The following RBFOX1 variants were observed in gnomAD, a reference collection of about 807,000 sequenced individuals.
The protein encoded by RBFOX1 is RNA binding protein fox-1 homolog 1.
In RBFOX1, 8 loss-of-function variants were observed where a neutral mutation model predicts 57.7. That is an observed-to-expected ratio of 0.14 (90% CI 0.08 to 0.25). The LOEUF is 0.25. RBFOX1 is among the 10% of genes least tolerant of loss of function. The pLI, the probability that RBFOX1 is intolerant of heterozygous loss-of-function variation, is 1.00. For missense variants in RBFOX1, 611 were observed against 548.5 expected (o/e 1.11, Z -1.14); for synonymous variants, 326 against 222.4 (o/e 1.47, Z -4.15).
chr16:7,234,500 C>G (rs1209987444), intron 4 of RBFOX1, among the ~76,000 whole-genome samples: 5 of 151,928 alleles, frequency 3.3e-5, no homozygotes, highest in Non-Finnish European at 7.4e-5. Context: ...CAAAGTTTGT[C>G]TTCTACCAGG....
At chr16:7,594,009 G>A (rs560062435) in intron 7 of RBFOX1, among the ~76,000 whole-genome samples, 1 of 152,098 alleles carries the variant, frequency 6.6e-6, no homozygotes, top group Non-Finnish European at 1.5e-5. Flanking sequence ...AAGTTCTAGG[G>A]TACAGGTGCA....
At chr16:7,691,783 G>A (rs758379058) in intron 14 of RBFOX1, among the ~76,000 whole-genome samples, 1 of 152,136 alleles carries the variant, frequency 6.6e-6, no homozygotes, top group African/African-American at 2.4e-5. Flanking sequence ...TCTAGGATTA[G>A]GCAGTAGAAA....
At chr16:7,706,206 AG>A (rs1348488146) in intron 14 of RBFOX1, among the ~76,000 whole-genome samples, 4 of 152,226 alleles carry the variant, frequency 2.6e-5, no homozygotes, top group African/African-American at 9.6e-5. Context: ...GCATTTGAAA[AG>A]AAGCCTCCTT....
chr16:7,276,341 C>A (rs898065680), intron 4 of RBFOX1, among the ~76,000 whole-genome samples: 1 of 152,170 alleles, frequency 6.6e-6, no homozygotes, highest in Non-Finnish European at 1.5e-5. Context: ...TGTTTGGAGG[C>A]AGCTAGGTTT....
intron 4 of RBFOX1, among the ~76,000 whole-genome samples, chr16:7,371,251 A>C (rs987099623): frequency 2.0e-5 from 3 of 152,184 alleles, no homozygotes; most frequent in African/African-American, 7.2e-5. Flanking sequence ...CAAGAAGTAA[A>C]CAAATGTGCC....
chr16:5,781,087 T>C (rs2054308611), intron 3 of RBFOX1, among the ~76,000 whole-genome samples: 1 of 152,188 alleles, frequency 6.6e-6, no homozygotes, highest in South Asian at 2.1e-4. Flanking sequence ...CCATTCTCCT[T>C]GATTCTAAAA....
At chr16:6,257,412 T>TAG in intron 1 of RBFOX1, among the ~76,000 whole-genome samples, 1 of 152,028 alleles carries the variant, frequency 6.6e-6, no homozygotes, top group African/African-American at 2.4e-5. Flanking sequence ...ATGTTGAATT[T>TAG]CTTCTTCTTC....
intron 3 of RBFOX1, among the ~76,000 whole-genome samples, chr16:6,764,047 T>A (rs2076993035): frequency 6.6e-6 from 1 of 152,180 alleles, no homozygotes; most frequent in Non-Finnish European, 1.5e-5. Flanking sequence ...GATGATAAAC[T>A]GTACTTGGGT....
At chr16:5,376,034 G>T (rs1018001970) in intron 1 of RBFOX1, among the ~76,000 whole-genome samples, 12 of 152,088 alleles carry the variant, frequency 7.9e-5, no homozygotes, top group African/African-American at 1.2e-4. Context: ...CGGGCTTGGT[G>T]GTGGGTGCCT....
At chr16:6,282,868 A>C (rs1393912142) in intron 1 of RBFOX1, among the ~76,000 whole-genome samples, 1 of 152,150 alleles carries the variant, frequency 6.6e-6, no homozygotes, top group Non-Finnish European at 1.5e-5. Flanking sequence ...TTTGCCAACT[A>C]CTTCATTAAG....
intron 3 of RBFOX1, among the ~76,000 whole-genome samples, chr16:6,900,299 A>T (rs953764947): frequency 6.6e-6 from 1 of 152,174 alleles, no homozygotes; most frequent in Non-Finnish European, 1.5e-5. Flanking sequence ...TCATCCACGA[A>T]TATCCTGTTC....
intron 3 of RBFOX1, among the ~76,000 whole-genome samples, chr16:6,735,653 G>T (rs7203920): frequency 0.08 from 12,094 of 152,124 alleles, 1,482 homozygotes; most frequent in African/African-American, 0.26. Context: ...CAAAATGTTT[G>T]GGTAACAATG....
chr16:5,982,782 T>G (rs1042014951), intron 4 of RBFOX1, among the ~76,000 whole-genome samples: 6 of 152,214 alleles, frequency 3.9e-5, no homozygotes, highest in African/African-American at 1.4e-4. Flanking sequence ...AAATAGATGG[T>G]TACTTCCCAT....
rs145537804 is a variant in RBFOX1 at position 7,267,880 on chromosome 16, A to G, written c.27+215782A>G. Among the ~76,000 whole-genome samples, 3 of 152,088 alleles carry G rather than the reference A, an allele frequency of 2.0e-5. No individual in the cohort carries two copies. The South Asian group carries it at 6.2e-4, about 32-fold the overall frequency. Reference sequence around the variant, plus strand: ...CAAAAATTAATTAATTAAACCTTCAATGAGGAGGTTTTGTTGAGTCAGAAG... The same window carrying G: ...CAAAAATTAATTAATTAAACCTTCAGTGAGGAGGTTTTGTTGAGTCAGAAG... On this transcript the variant is annotated intron_variant, in intron 4 of 15. Coordinates refer to ENST00000550418, the MANE Select transcript of RBFOX1 (RefSeq NM_018723.4).
At chr16:6,511,473 A>G (rs1271776847) in intron 2 of RBFOX1, among the ~76,000 whole-genome samples, 1 of 152,178 alleles carries the variant, frequency 6.6e-6, no homozygotes, top group Non-Finnish European at 1.5e-5. Flanking sequence ...GAATTTTAAA[A>G]CATGCGCTTT....
intron 1 of RBFOX1, among the ~76,000 whole-genome samples, chr16:6,227,117 C>G (rs544711781): frequency 1.3e-5 from 2 of 151,878 alleles, no homozygotes; most frequent in Non-Finnish European, 2.9e-5. Flanking sequence ...GGGCGAGACT[C>G]TGTCTCAAGA....
At chr16:7,601,185 T>C (rs2094999836) in intron 9 of RBFOX1, among the ~76,000 whole-genome samples, 1 of 152,196 alleles carries the variant, frequency 6.6e-6, no homozygotes, top group Non-Finnish European at 1.5e-5. Flanking sequence ...GCATACTTTG[T>C]TGCCCGGATC....
At chr16:5,978,818 C>T (rs781485746) in intron 4 of RBFOX1, among the ~76,000 whole-genome samples, 3 of 152,016 alleles carry the variant, frequency 2.0e-5, no homozygotes, top group Non-Finnish European at 2.9e-5. Flanking sequence ...GGGAACAACA[C>T]TGCAGAAGTG....
intron 3 of RBFOX1, among the ~76,000 whole-genome samples, chr16:6,830,748 C>T (rs909550630): frequency 6.6e-5 from 10 of 152,182 alleles, no homozygotes; most frequent in African/African-American, 2.4e-4. Flanking sequence ...TCTTTGCATT[C>T]TGGTAATTTT....
Sources: allele counts gnomAD v4.1 joint callset (sites outside exome capture counted in the v4.1 genomes callset), GRCh38; gene constraint gnomAD v4.1.1; transcripts MANE v1.5; gene names NCBI Gene and HGNC (gene_info 2026-07-23, HGNC 2026-07-21).